Variants in CTSG observed in about 807,000 individuals in gnomAD.
The protein encoded by CTSG is cathepsin G.
In CTSG, 23 loss-of-function variants were observed where a neutral mutation model predicts 23.0. That is an observed-to-expected ratio of 1.00 (90% CI 0.72 to 1.42). The LOEUF (loss-of-function observed/expected upper bound fraction) is 1.42. Ranked by LOEUF, CTSG falls within the 40% of genes most tolerant of loss-of-function variation. The pLI, the probability that CTSG is intolerant of heterozygous loss-of-function variation, is 0.00. For synonymous variants in CTSG, 140 were observed against 130.4 expected, an observed-to-expected ratio of 1.07 and a Z score of -0.50; for missense variants, 312 against 326.2, an observed-to-expected ratio of 0.96 and a Z score of 0.33.
rs1398427578 is a variant in CTSG, at chr14:24,574,814, C to A, written c.204-4G>T. Reference sequence around the variant, plus strand: ...GCCCAGGGTGACATTTATATTGCTGCAAAAGCAAGAGGTAGGTCTGGGCTG... The same window carrying A: ...GCCCAGGGTGACATTTATATTGCTGAAAAAGCAAGAGGTAGGTCTGGGCTG... On this transcript the variant is annotated splice_region_variant and splice_polypyrimidine_tract_variant and intron_variant, in intron 2 of 4. Coordinates refer to ENST00000216336, the MANE Select transcript of CTSG (RefSeq NM_001911.3). The A allele has an allele frequency of 1.9e-6, 3 of 1,613,378 alleles. No individual in the cohort carries two copies. The highest frequency in any genetic ancestry group is 2.5e-6 in the Non-Finnish European group (3 of 1,180,026).
rs769925140 is a variant in CTSG, at chr14:24,574,436, C to T, written c.403G>A (p.Gly135Arg). ...GTGCACAGCGTCCCGGGTCTCAGTC[C>T]CTCCTGGGCTCTAGGCAGAGCCACT... The part of the protein sequence containing the change: ...NPVALPRAQE[G>R]LRPGTLCTVA... The change falls in exon 4 of 5, where the codon GGA (glycine) becomes AGA (arginine). Residue 135 changes from glycine (G) to arginine (R), a missense_variant. Transcript: ENST00000216336. 4.3e-6 allele frequency: 7 copies of T among 1,613,778 alleles called. No individual in the cohort carries two copies. The highest frequency in any genetic ancestry group is 5.9e-6 in the Non-Finnish European group (7 of 1,180,028).
At chr14:24,573,957 C>A (rs2138449658) in intron 4 of CTSG, 147 bp from the exon 5 acceptor site, 1 of 790,784 alleles carries the variant, frequency 1.3e-6, no homozygotes, top group Non-Finnish European at 2.0e-6. Flanking sequence ...GTACAGGAGC[C>A]AAGCCTCTGG....
chr14:24,575,077 C>T (rs2066735187), intron 2 of CTSG, 188 bp downstream of exon 2: 4 of 710,342 alleles, frequency 5.6e-6, no homozygotes, highest in Non-Finnish European at 9.2e-6. Flanking sequence ...TCCATCTCTT[C>T]CTCTTGCTCT....
At position 24,573,697 on chromosome 14, in the gene CTSG, G is replaced by C; in HGVS notation, c.708C>G (p.Pro236=). The change falls in exon 5 of 5, where the codon CCC becomes CCG. Residue 236 remains proline (P), a synonymous_variant. Transcript: ENST00000216336. ...AGCTTCTCATTGTTGTCCTTATCCA[G>C]GGCAGGAAACTTGAGACCCTGGTGA... ...EVFTRVSSFL[P]WIRTTMRSFK... 1 of 1,614,094 alleles carries C rather than the reference G, an allele frequency of 6.2e-7. No homozygotes were observed. Among genetic ancestry groups the C allele is most frequent in the Non-Finnish European group, 8.5e-7 (1 of 1,180,038 alleles).
Position 24,574,739 on chromosome 14 carries a change from C to A in CTSG, c.275G>T (p.Arg92Leu), listed in dbSNP as rs776528889. ...RENTQQHITA[R>L]RAIRHPQYNQ... The stretch of plus-strand genomic sequence containing the variant: ...ATATTGAGGGTGGCGGATGGCTCTG[C>A]GCGCAGTGATGTGTTGCTGGGTGTT... The change falls in exon 3 of 5, where the codon CGC (arginine) becomes CTC (leucine). Residue 92 changes from arginine to leucine, a missense_variant. Physicochemically the swap from Arg to Leu is moderately radical, Grantham distance 102. Transcript: ENST00000216336. The A allele has an allele frequency of 1.2e-5, 19 of 1,614,152 alleles. No homozygotes were observed. Among genetic ancestry groups the A allele is most frequent in the Non-Finnish European group, 1.6e-5 (19 of 1,180,030 alleles).
chr14:24,575,778 C>A (rs927158086), intron 1 of CTSG, among the ~76,000 whole-genome samples: 8 of 152,194 alleles, frequency 5.3e-5, no homozygotes, highest in Non-Finnish European at 1.0e-4. Flanking sequence ...ATACTTTTAT[C>A]CTCATGGAGC....
Position 24,573,764 on chromosome 14 carries a change from A to G in CTSG, c.641T>C (p.Ile214Thr). The change falls in exon 5 of 5, where the codon ATC (isoleucine) becomes ACC (threonine). Residue 214 changes from isoleucine to threonine, a missense_variant. Ile to Thr is a moderately conservative substitution (Grantham distance 89). Coordinates refer to ENST00000216336, the MANE Select transcript of CTSG (RefSeq NM_001911.3). ...PLLCNNVAHG[I>T]VSYGKSSGVP... is the part of the protein sequence containing the mutation. ...CCCTGACGACTTTCCATAGGAGACG[A>G]TGCCGTGGGCCACATTGTTACACAG... 6.2e-7 allele frequency: 1 copy of G among 1,614,138 alleles called. No homozygotes were observed. Among genetic ancestry groups the G allele is most frequent in the Non-Finnish European group, 8.5e-7 (1 of 1,180,024 alleles).
Position 24,575,367 on chromosome 14 carries a change from T to C in CTSG, c.101A>G (p.Tyr34Cys), listed in dbSNP as rs765016127. The C allele has an allele frequency of 6.2e-7, 1 of 1,614,188 alleles. No homozygotes were observed. The highest frequency in any genetic ancestry group is 1.1e-5 in the South Asian group (1 of 91,082). ...GRESRPHSRPYMAYLQIQSPA... is the reference protein window; with the variant it reads ...GRESRPHSRPCMAYLQIQSPA... ...ACTCTGGATCTGAAGATACGCCATG[T>C]AGGGGCGGGAGTGGGGCCTGCTCTC... is the stretch of plus-strand genomic sequence containing the variant. The change falls in exon 2 of 5, where the codon TAC becomes TGC. Residue 34 changes from tyrosine to cysteine, a missense_variant. Coordinates refer to ENST00000216336, the MANE Select transcript of CTSG (RefSeq NM_001911.3).
Position 24,573,589 on chromosome 14 carries a change from T to G in CTSG, c.*48A>C. 6.4e-7 allele frequency: 1 copy of G among 1,554,918 alleles called. No homozygotes were observed. Among genetic ancestry groups the G allele is most frequent in the Non-Finnish European group, 8.7e-7 (1 of 1,143,344 alleles). On this transcript the variant is annotated 3_prime_UTR_variant, in exon 5 of 5. Transcript: ENST00000216336. ...ATACTCTGTGGACGTTTATTAAGGC[T>G]CTGGCAACACTGTGGAGCTGGCCTG...
At position 24,573,632 on chromosome 14, in the gene CTSG, G is replaced by A; in HGVS notation, c.*5C>T. On this transcript the variant is annotated 3_prime_UTR_variant, in exon 5 of 5. Transcript: ENST00000216336. ...CTGGCCTGTGTCCCCGAGAAGAAGA[G>A]TCAGTCACAGGGGGGTCTCCATCTG... The A allele has an allele frequency of 1.9e-6, 3 of 1,611,332 alleles. No homozygotes were observed. Among genetic ancestry groups the A allele is most frequent in the East Asian group, 2.2e-5 (1 of 44,820 alleles).
At position 24,573,730 on chromosome 14, in the gene CTSG, T is replaced by A; in HGVS notation, c.675A>T (p.Pro225=). 1 of 1,614,160 alleles carries A rather than the reference T, an allele frequency of 6.2e-7. No homozygotes were observed. The highest frequency in any genetic ancestry group is 1.1e-5 in the South Asian group (1 of 91,084). ...VSYGKSSGVP[P]EVFTRVSSFL... The stretch of plus-strand genomic sequence containing the variant: ...AACTTGAGACCCTGGTGAAGACTTC[T>A]GGAGGAACCCCTGACGACTTTCCAT... Residue 225 remains proline (P), a synonymous_variant, in exon 5 of 5, where the codon CCA becomes CCT. Coordinates refer to ENST00000216336, the MANE Select transcript of CTSG (RefSeq NM_001911.3).
In CTSG at chr14:24,576,171, G is replaced by T; in HGVS notation, c.53C>A (p.Ala18Glu). ...LAFLLPTGAE[A>E]GEIIGGRESR... ...TGAGGGTGGGGATGGTCACTCACCT[G>T]CCTCAGCCCCAGTGGGTAGGAGAAA... is the stretch of plus-strand genomic sequence containing the variant. The change falls in exon 1 of 5, where the codon GCA becomes GAA. Residue 18 changes from alanine (A) to glutamate (E), a missense_variant and splice_region_variant. Physicochemically the swap from Ala to Glu is moderately radical, Grantham distance 107. Coordinates refer to ENST00000216336, the MANE Select transcript of CTSG (RefSeq NM_001911.3). 1 of 1,609,676 alleles carries T rather than the reference G, an allele frequency of 6.2e-7. No homozygotes were observed. Among genetic ancestry groups the T allele is most frequent in the Non-Finnish European group, 8.5e-7 (1 of 1,178,150 alleles).
Position 24,575,357 on chromosome 14 carries a change from A to C in CTSG, c.111T>G (p.Tyr37Ter), listed in dbSNP as rs2066736611. The part of the protein sequence containing the change: ...SRPHSRPYMA[Y>*]LQIQSPAGQS... The stretch of plus-strand genomic sequence containing the variant: ...GACCTGCTGGACTCTGGATCTGAAG[A>C]TACGCCATGTAGGGGCGGGAGTGGG... The change falls in exon 2 of 5, where the codon TAT becomes TAG. Residue 37 changes from tyrosine to a stop codon, truncating the protein, a stop_gained. Transcript: ENST00000216336. LOFTEE classifies it high-confidence loss of function. The C allele has an allele frequency of 6.2e-7, 1 of 1,614,030 alleles. No homozygotes were observed. The highest frequency in any genetic ancestry group is 1.7e-5 in the Admixed American group (1 of 60,006).
intron 2 of CTSG, 165 bp from the exon 3 acceptor site, chr14:24,574,975 G>T: frequency 1.1e-6 from 1 of 873,554 alleles, no homozygotes; most frequent in Non-Finnish European, 1.8e-6. Flanking sequence ...TCTGAGCTAG[G>T]GATGACAGGG....
At chr14:24,574,173 A>T in intron 4 of CTSG, 72 bp downstream of exon 4, 1 of 1,560,486 alleles carries the variant, frequency 6.4e-7, no homozygotes, top group Non-Finnish European at 8.7e-7. Context: ...TGGGGATGGA[A>T]TCTGTTCGCA....
At chr14:24,574,857 C>T in intron 2 of CTSG, 47 bp from the exon 3 acceptor site, 2 of 1,610,796 alleles carry the variant, frequency 1.2e-6, no homozygotes, top group Middle Eastern at 2.2e-4. Context: ...TATGGTCCAC[C>T]AGCTCTGCAG....
intron 1 of CTSG, among the ~76,000 whole-genome samples, 185 bp downstream of exon 1, chr14:24,575,984 C>G (rs1386379529): frequency 6.6e-6 from 1 of 152,194 alleles, no homozygotes; most frequent in Non-Finnish European, 1.5e-5. Flanking sequence ...TTTAAATACT[C>G]TAACTTATTT....
At position 24,574,421 on chromosome 14, in the gene CTSG, TC is replaced by T; in HGVS notation, c.417del (p.Thr140ArgfsTer13). ...LPRAQEGLRP[G>X]TLCTVAGWGR... ...CCCCAGCCGGCCACAGTGCACAGCG[TC>T]CCGGGTCTCAGTCCCTCCTGGGCTC... On this transcript the variant is annotated frameshift_variant, in exon 4 of 5. Coordinates refer to ENST00000216336, the MANE Select transcript of CTSG (RefSeq NM_001911.3). LOFTEE classifies it high-confidence loss of function. The T allele has an allele frequency of 6.2e-7, 1 of 1,613,632 alleles. No individual in the cohort carries two copies. The highest frequency in any genetic ancestry group is 8.5e-7 in the Non-Finnish European group (1 of 1,180,012).
chr14:24,574,377 C>CT lies in CTSG; in HGVS notation c.461_462insA (p.Thr156AsnfsTer15), dbSNP rs757532971. The CT allele has an allele frequency of 2.3e-5, 37 of 1,611,038 alleles. No homozygotes were observed. Among genetic ancestry groups the CT allele is most frequent in the Non-Finnish European group, 2.9e-5 (34 of 1,180,012 alleles). ...GCACCTCTCGGAGTGTATCTGTTCC[C>CT]CTCCTCATGCTGACCCTGCCCCAGC... is the stretch of plus-strand genomic sequence containing the variant. On this transcript the variant is annotated frameshift_variant, in exon 4 of 5. Coordinates refer to ENST00000216336, the MANE Select transcript of CTSG (RefSeq NM_001911.3). LOFTEE classifies it high-confidence loss of function.
Sources: gnomAD v4.1 joint callset for allele counts (sites outside exome capture counted in the v4.1 genomes callset) on GRCh38, gnomAD v4.1.1 for gene constraint, MANE v1.5 for transcripts, NCBI Gene and HGNC (gene_info 2026-07-23, HGNC 2026-07-21) for gene names.